PLCB4: variants seen among roughly 807,000 people sequenced by gnomAD.
The protein encoded by PLCB4 is phospholipase C beta 4, also known as 1-phosphatidylinositol 4,5-bisphosphate phosphodiesterase beta-4.
In PLCB4, 77 loss-of-function variants were observed where a neutral mutation model predicts 178.8. That is an observed-to-expected ratio of 0.43 (90% confidence interval 0.36 to 0.52). The LOEUF is 0.52. PLCB4 is among the 20% of genes least tolerant of loss of function. PLCB4 has a pLI of 0.00. For missense variants in PLCB4, 1,024 were observed against 1,453.4 expected, an observed-to-expected ratio of 0.70 and a Z score of 4.80; for synonymous variants, 496 against 490.8, an observed-to-expected ratio of 1.01 and a Z score of -0.14.
At chr20:9,130,586 G>A (rs1025578031) in intron 2 of PLCB4, among the ~76,000 whole-genome samples, 1 of 152,174 alleles carries the variant, frequency 6.6e-6, no homozygotes, top group Admixed American at 6.6e-5. Context: ...CATAGCAGAT[G>A]TTTTCTGTTT....
chr20:9,323,196 T>A (rs933554768), intron 4 of PLCB4, among the ~76,000 whole-genome samples: 1 of 152,210 alleles, frequency 6.6e-6, no homozygotes, highest in Non-Finnish European at 1.5e-5. Context: ...ACACTTGCTG[T>A]TCTCCCTCTG....
At chr20:9,153,955 C>A (rs2092737230) in intron 2 of PLCB4, among the ~76,000 whole-genome samples, 1 of 152,134 alleles carries the variant, frequency 6.6e-6, no homozygotes, top group Admixed American at 6.5e-5. Context: ...GACTCCTTTT[C>A]TGTAGGAAAA....
chr20:9,108,000 G>A (rs1306306932), intron 2 of PLCB4, among the ~76,000 whole-genome samples: 2 of 152,160 alleles, frequency 1.3e-5, no homozygotes, highest in Non-Finnish European at 1.5e-5. Context: ...GAAGGAAGAG[G>A]TGGTGAAGGG....
chr20:9,109,234 G>C (rs1219964266), intron 2 of PLCB4, among the ~76,000 whole-genome samples: 1 of 152,162 alleles, frequency 6.6e-6, no homozygotes, highest in South Asian at 2.1e-4. Context: ...TTGTGCTGGA[G>C]TTTCAGTTTC....
chr20:9,143,595 C>T (rs1200596187), intron 2 of PLCB4, among the ~76,000 whole-genome samples: 1 of 152,114 alleles, frequency 6.6e-6, no homozygotes, highest in Non-Finnish European at 1.5e-5. Context: ...GTGCATTTAG[C>T]TTAGCCTCCA....
chr20:9,218,360 C>G (rs966472404), intron 3 of PLCB4, among the ~76,000 whole-genome samples: 1 of 152,188 alleles, frequency 6.6e-6, no homozygotes. Context: ...CCACCTCGGC[C>G]TCCCAAAGTG....
chr20:9,404,174 A>G (rs766887071), intron 20 of PLCB4, among the ~76,000 whole-genome samples: 16 of 152,076 alleles, frequency 1.1e-4, no homozygotes, highest in Non-Finnish European at 2.2e-4. Flanking sequence ...AGAGGGGATA[A>G]CTGCCTGGAA....
chr20:9,399,424 G>A (rs1443725885), intron 19 of PLCB4, among the ~76,000 whole-genome samples: 1 of 152,202 alleles, frequency 6.6e-6, no homozygotes, highest in Non-Finnish European at 1.5e-5. Context: ...TACTATCTAT[G>A]TGTGGCTAGA....
intron 2 of PLCB4, among the ~76,000 whole-genome samples, chr20:9,196,946 A>G (rs1380593956): frequency 1.3e-5 from 2 of 152,256 alleles, no homozygotes; most frequent in Non-Finnish European, 2.9e-5. Context: ...CAGAGGGAAT[A>G]TAAGAGATGT....
chr20:9,129,246 C>T (rs6039393), intron 2 of PLCB4, among the ~76,000 whole-genome samples: 94,530 of 151,928 alleles, frequency 0.62, 30,384 homozygotes, highest in Middle Eastern at 0.76. Context: ...GACCACCTGC[C>T]GTACTCACAT....
intron 2 of PLCB4, among the ~76,000 whole-genome samples, chr20:9,107,502 T>C (rs1342874567): frequency 2.0e-5 from 3 of 152,048 alleles, no homozygotes; most frequent in Non-Finnish European, 4.4e-5. Flanking sequence ...GGATTACATG[T>C]CATCTGTGGG....
Position 9,467,832 on chromosome 20 carries a change from G to A in PLCB4, c.3249-739G>A, listed in dbSNP as rs1010815994. Among the ~76,000 whole-genome samples, 3 of 152,128 alleles carry A rather than the reference G, an allele frequency of 2.0e-5. No homozygotes were observed. In the South Asian group the frequency reaches 6.2e-4, roughly 32 times the overall value. On this transcript the variant is annotated intron_variant, in intron 35 of 39. Transcript: ENST00000378473. Reference sequence around the variant, plus strand: ...GCTTGTATGCTGGTTTCCAGGCAGTGCTTTCAATAGATCTCCATAGGTTAT... The same window carrying A: ...GCTTGTATGCTGGTTTCCAGGCAGTACTTTCAATAGATCTCCATAGGTTAT...
chr20:9,452,098 T>C (rs1392937544), intron 32 of PLCB4, among the ~76,000 whole-genome samples: 4 of 146,048 alleles, frequency 2.7e-5, no homozygotes, highest in African/African-American at 1.1e-4. Flanking sequence ...TCTCCACTCC[T>C]TCTCCTAAAG....
At chr20:9,273,215 T>C (rs995999366) in intron 3 of PLCB4, among the ~76,000 whole-genome samples, 9 of 152,134 alleles carry the variant, frequency 5.9e-5, no homozygotes, top group Admixed American at 5.9e-4. Flanking sequence ...ATGATGTCAC[T>C]ACCACTTTTA....
At chr20:9,120,658 C>T (rs1238574195) in intron 2 of PLCB4, among the ~76,000 whole-genome samples, 1 of 152,134 alleles carries the variant, frequency 6.6e-6, no homozygotes, top group Admixed American at 6.5e-5. Context: ...CCTGCACTCC[C>T]TTGACCCAAG....
intron 1 of PLCB4, among the ~76,000 whole-genome samples, chr20:9,078,456 G>A (rs953070153): frequency 1.3e-5 from 2 of 150,880 alleles, no homozygotes; most frequent in Non-Finnish European, 2.9e-5. Context: ...GTGCGATCTC[G>A]GCTCACTGCA....
At chr20:9,372,605 G>A (rs2036345801) in intron 11 of PLCB4, among the ~76,000 whole-genome samples, 1 of 152,024 alleles carries the variant, frequency 6.6e-6, no homozygotes, top group Non-Finnish European at 1.5e-5. Flanking sequence ...ATTAATTGCA[G>A]CACCTGGAAC....
intron 2 of PLCB4, among the ~76,000 whole-genome samples, chr20:9,179,406 C>T (rs2093208544): frequency 6.6e-6 from 1 of 152,082 alleles, no homozygotes; most frequent in Non-Finnish European, 1.5e-5. Context: ...ATGTGGGTGG[C>T]TTCTAGAAGC....
At chr20:9,468,805 A>G (rs2043979444) in intron 36 of PLCB4, 133 bp downstream of exon 36, 3 of 566,974 alleles carry the variant, frequency 5.3e-6, no homozygotes, top group Non-Finnish European at 6.4e-6. Context: ...GAATTCTGCT[A>G]TTATAACTGC....
Sources: allele counts gnomAD v4.1 joint callset (sites outside exome capture counted in the v4.1 genomes callset), GRCh38; gene constraint gnomAD v4.1.1; transcripts MANE v1.5; gene names NCBI Gene and HGNC (gene_info 2026-07-23, HGNC 2026-07-21).